The following NAGA variants were observed in gnomAD, a reference collection of about 807,000 sequenced individuals.
The protein encoded by NAGA is alpha-N-acetylgalactosaminidase, also known as Acetylgalactosaminidase, alpha-N- (alpha-galactosidase B).
NAGA carries 42 observed loss-of-function variants against 45.6 expected under a neutral mutation model. The ratio of observed to expected loss-of-function variants is 0.92; its 90% confidence interval spans 0.72 to 1.19. The LOEUF (loss-of-function observed/expected upper bound fraction) is 1.19. NAGA is among the 50% of genes most tolerant of loss of function. The probability of loss-of-function intolerance (pLI) is 0.00; values close to 1 mark genes in which losing one functional copy is unlikely to be tolerated. For missense variants in NAGA, 493 were observed against 544.8 expected (o/e 0.90, Z 0.95); for synonymous variants, 176 against 203.1 (o/e 0.87, Z 1.13).
chr22:42,060,929 A>T lies in NAGA; in HGVS notation c.1096T>A (p.Tyr366Asn). The change falls in exon 8 of 9, where the codon TAT (tyrosine) becomes AAT (asparagine). Residue 366 changes from tyrosine (Y) to asparagine (N), a missense_variant. Coordinates refer to ENST00000396398, the MANE Select transcript of NAGA (RefSeq NM_000262.3). ...GQLNFTGSVI[Y>N]EAQDVYSGDI... ...GCAGGCAGCCGGGTGCTCACCTCATATATCACAGACCCGGTGAAGTTCAGC... is the reference window on the plus strand; with the variant it reads ...GCAGGCAGCCGGGTGCTCACCTCATTTATCACAGACCCGGTGAAGTTCAGC... 6.2e-7 allele frequency: 1 copy of T among 1,614,162 alleles called. No individual in the cohort carries two copies. Among genetic ancestry groups the T allele is most frequent in the South Asian group, 1.1e-5 (1 of 91,080 alleles).
At position 42,067,794 on chromosome 22, in the gene NAGA, G is replaced by C. The variant is rs557714930; in HGVS notation, c.295C>G (p.Pro99Ala). The change falls in exon 3 of 9, where the codon CCT (proline) becomes GCT (alanine). Residue 99 changes from proline to alanine, a missense_variant. Pro to Ala is a conservative substitution (Grantham distance 27). Transcript: ENST00000396398. Reference sequence around the variant, plus strand: ...TCAGCCAGGAAAGGAATGCCATGAGGGAAGCGCTTGGGATCCGGCATCAGG... The same window carrying C: ...TCAGCCAGGAAAGGAATGCCATGAGCGAAGCGCTTGGGATCCGGCATCAGG... ...GRLMPDPKRF[P>A]HGIPFLADYV... is the part of the protein sequence containing the mutation. The C allele has an allele frequency of 4.2e-5, 68 of 1,612,756 alleles. No homozygotes were observed. Among genetic ancestry groups the C allele is most frequent in the Non-Finnish European group, 5.7e-5 (67 of 1,179,996 alleles).
Position 42,066,778 on chromosome 22 carries a change from T to G in NAGA, c.529A>C (p.Asn177His), listed in dbSNP as rs749495971. 6.2e-7 allele frequency: 1 copy of G among 1,607,000 alleles called. No homozygotes were observed. Among genetic ancestry groups the G allele is most frequent in the Non-Finnish European group, 8.5e-7 (1 of 1,177,018 alleles). Residue 177 changes from asparagine to histidine, a missense_variant, in exon 5 of 9, where the codon AAT becomes CAT. Transcript: ENST00000396398. ...QGYPKMAAAL[N>H]ATGRPIAFSC... ...AAGGCGATGGGGCGGCCTGTGGCATTCAGGGCAGCAGCCATCTTGGGGTAC... is the reference window on the plus strand; with the variant it reads ...AAGGCGATGGGGCGGCCTGTGGCATGCAGGGCAGCAGCCATCTTGGGGTAC...
chr22:42,068,844 T>TGGAA (rs71184863), intron 1 of NAGA, among the ~76,000 whole-genome samples: 1 of 152,152 alleles, frequency 6.6e-6, no homozygotes, highest in African/African-American at 2.4e-5. Flanking sequence ...AACTAACACC[T>TGGAA]TATGTCCTAA....
Position 42,068,445 on chromosome 22 carries a change from C to T in NAGA, c.146G>A (p.Cys49Tyr). 6.2e-7 allele frequency: 1 copy of T among 1,614,198 alleles called. No individual in the cohort carries two copies. Among genetic ancestry groups the T allele is most frequent in the Non-Finnish European group, 8.5e-7 (1 of 1,180,044 alleles). ...GAGTGTGGACCTTACTCACCTTATG[C>T]AGTTCTTTGGGTCCTCATCACAGTT... ...NINCDEDPKN[C>Y]ISEQLFMEMA... Residue 49 changes from cysteine to tyrosine, a missense_variant, in exon 2 of 9, where the codon TGC becomes TAC. Physicochemically the swap from Cys to Tyr is radical, Grantham distance 194 (BLOSUM62 -2). Coordinates refer to ENST00000396398, the MANE Select transcript of NAGA (RefSeq NM_000262.3).
At position 42,068,629 on chromosome 22, in the gene NAGA, C is replaced by T. The variant is rs1926884937; in HGVS notation, c.17-55G>A. 2.6e-5 allele frequency: 42 copies of T among 1,606,682 alleles called. 1 individual carries two copies. In the South Asian group the frequency reaches 4.3e-4, roughly 17 times the overall value. ...CTATCAGTTGCCCCCACAGCTCCAG[C>T]CCTCATCCCACCCCATCTGTATGTT... On this transcript the variant is annotated intron_variant, in intron 1 of 8. Coordinates refer to ENST00000396398, the MANE Select transcript of NAGA (RefSeq NM_000262.3).
chr22:42,059,780 T>C lies in NAGA; in HGVS notation c.*499A>G, dbSNP rs1372989818. 1 of 182,688 alleles carries C rather than the reference T, an allele frequency of 5.5e-6. No individual in the cohort carries two copies. The highest frequency in any genetic ancestry group is 1.2e-5 in the Non-Finnish European group (1 of 84,776). 11.3% of individuals were successfully genotyped at this position (182,688 alleles called of 1,614,324 possible). A position where few individuals can be genotyped will look rare whatever the true frequency, so the allele number is the denominator to read the frequency against. ...TACAACTACTTGATTAAAGAACAGG[T>C]TTATTGGTGACCTGAGGGAGCCAAG... is the stretch of plus-strand genomic sequence containing the variant. On this transcript the variant is annotated 3_prime_UTR_variant, in exon 9 of 9. Transcript: ENST00000396398.
At chr22:42,068,718 G>C (rs2146845683) in intron 1 of NAGA, 144 bp from the exon 2 acceptor site, 1 of 1,193,210 alleles carries the variant, frequency 8.4e-7, no homozygotes, top group Non-Finnish European at 1.2e-6. Flanking sequence ...GTTTAGGGTA[G>C]AATTGGCTCT....
At chr22:42,068,021 G>T in intron 2 of NAGA, 85 bp from the exon 3 acceptor site, 1 of 1,336,614 alleles carries the variant, frequency 7.5e-7, no homozygotes, top group Non-Finnish European at 1.1e-6. Flanking sequence ...TTGAATCTGG[G>T]CTATAAAAAC....
chr22:42,070,611 C>A lies in NAGA; in HGVS notation c.-314G>T. 2 of 516,072 alleles carry A rather than the reference C, an allele frequency of 3.9e-6. No homozygotes were observed. The highest frequency in any genetic ancestry group is 7.0e-6 in the Non-Finnish European group (2 of 284,312). The allele number at this position is 516,072 out of a possible 1,614,324, so 32.0% of individuals were successfully genotyped here. A position where few individuals can be genotyped will look rare whatever the true frequency, so the allele number is the denominator to read the frequency against. On this transcript the variant is annotated 5_prime_UTR_variant, in exon 1 of 9. Coordinates refer to ENST00000396398, the MANE Select transcript of NAGA (RefSeq NM_000262.3). ...CCTACGGGCCGCCTTCGGCCCCGCC[C>A]GGGCTCAGAAAAAGGCAGCCACTGG...
At position 42,065,880 on chromosome 22, in the gene NAGA, G is replaced by A. The variant is rs1480638268; in HGVS notation, c.617C>T (p.Ala206Val). ...GTTACGCCAGAGGTTGCAGATGTCC[G>A]CCAGCAGACTGTAGTTCACCTGGAT... ...LPPRVNYSLL[A>V]DICNLWRNYD... Residue 206 changes from alanine to valine, a missense_variant, in exon 6 of 9, where the codon GCG becomes GTG. Physicochemically the swap from Ala to Val is moderately conservative, Grantham distance 64. Coordinates refer to ENST00000396398, the MANE Select transcript of NAGA (RefSeq NM_000262.3). 6.2e-6 allele frequency: 10 copies of A among 1,614,066 alleles called. No homozygotes were observed. The highest frequency in any genetic ancestry group is 3.3e-5 in the South Asian group (3 of 91,058).
At chr22:42,060,470 C>A (rs930879119) in intron 8 of NAGA, 57 bp from the exon 9 acceptor site, 306 of 1,607,560 alleles carry the variant, frequency 1.9e-4, no homozygotes, top group Non-Finnish European at 2.4e-4. Context: ...ACAGAGACCC[C>A]CCCCGCTAGA....
intron 3 of NAGA, 112 bp from the exon 4 acceptor site, chr22:42,067,402 G>T: frequency 7.5e-7 from 1 of 1,339,924 alleles, no homozygotes; most frequent in Non-Finnish European, 1.1e-6. Context: ...GACCAAAGGA[G>T]ATGGTCCCAG....
At position 42,060,387 on chromosome 22, in the gene NAGA, G is replaced by A. The variant is rs1456200639; in HGVS notation, c.1128C>T (p.Ile376=). The A allele has an allele frequency of 6.2e-7, 1 of 1,613,400 alleles. No individual in the cohort carries two copies. Among genetic ancestry groups the A allele is most frequent in the Non-Finnish European group, 8.5e-7 (1 of 1,180,028 alleles). ...YEAQDVYSGD[I]ISGLRDETNF... ...TGGTTTCATCTCGGAGGCCACTGAT[G>A]ATGTCACCTGAGTAGACGTCCTGGG... The change falls in exon 9 of 9, where the codon ATC becomes ATT. Residue 376 remains isoleucine, a synonymous_variant. Transcript: ENST00000396398.
At chr22:42,063,733 G>C (rs1926545744) in intron 6 of NAGA, among the ~76,000 whole-genome samples, 2 of 152,206 alleles carry the variant, frequency 1.3e-5, no homozygotes, top group Admixed American at 1.3e-4. Flanking sequence ...TAAGACACGA[G>C]TCTGCCGACA....
chr22:42,065,343 G>A (rs1019079599), intron 6 of NAGA, among the ~76,000 whole-genome samples: 2 of 152,224 alleles, frequency 1.3e-5, no homozygotes, highest in African/African-American at 4.8e-5. Context: ...TGTGGAGGAT[G>A]AGGCAGGAAA....
chr22:42,069,566 G>C (rs2146846528), intron 1 of NAGA, among the ~76,000 whole-genome samples: 1 of 144,108 alleles, frequency 6.9e-6, no homozygotes, highest in East Asian at 2.1e-4. Flanking sequence ...AGTGAGCCGA[G>C]ATCGCGCCAC....
Position 42,060,914 on chromosome 22 carries a change from G to A in NAGA, c.1101+10C>T, listed in dbSNP as rs1926338841. The A allele has an allele frequency of 3.1e-6, 5 of 1,613,994 alleles. 1 individual carries two copies. The highest frequency in any genetic ancestry group is 3.3e-4 in the Middle Eastern group (2 of 6,078). ...CCCAGGCGGGTGGCTGCAGGCAGCC[G>A]GGTGCTCACCTCATATATCACAGAC... On this transcript the variant is annotated intron_variant, in intron 8 of 8. Coordinates refer to ENST00000396398, the MANE Select transcript of NAGA (RefSeq NM_000262.3).
chr22:42,060,317 G>C lies in NAGA; in HGVS notation c.1198C>G (p.Leu400Val). The C allele has an allele frequency of 6.2e-7, 1 of 1,613,592 alleles. No individual in the cohort carries two copies. Among genetic ancestry groups the C allele is most frequent in the Non-Finnish European group, 8.5e-7 (1 of 1,179,900 alleles). ...ATCTCCAGGTTCTTGATGGGATACAGGTACCACATCACTACCCCTGAAGGG... is the reference window on the plus strand; with the variant it reads ...ATCTCCAGGTTCTTGATGGGATACACGTACCACATCACTACCCCTGAAGGG... ...INPSGVVMWYLYPIKNLEMSQ... is the reference protein window; with the variant it reads ...INPSGVVMWYVYPIKNLEMSQ... Residue 400 changes from leucine (L) to valine (V), a missense_variant, in exon 9 of 9, where the codon CTG becomes GTG. Coordinates refer to ENST00000396398, the MANE Select transcript of NAGA (RefSeq NM_000262.3).
At chr22:42,064,532 C>G (rs1431976943) in intron 6 of NAGA, among the ~76,000 whole-genome samples, 1 of 150,288 alleles carries the variant, frequency 6.7e-6, no homozygotes, top group African/African-American at 2.5e-5. Context: ...GTAATCCCAG[C>G]TACTCGGGCG....
Sources: gnomAD v4.1 joint callset for allele counts (sites outside exome capture counted in the v4.1 genomes callset) on GRCh38, gnomAD v4.1.1 for gene constraint, MANE v1.5 for transcripts, NCBI Gene and HGNC (gene_info 2026-07-23, HGNC 2026-07-21) for gene names.